Variants in DPH6 observed in about 807,000 individuals in gnomAD.
The protein encoded by DPH6 is diphthamine biosynthesis 6.
Under a neutral mutation model 38.2 loss-of-function variants are expected in DPH6, and 33 were observed. That is an observed-to-expected ratio of 0.86 (90% CI 0.65 to 1.15). DPH6 has a LOEUF of 1.15. Among genes scored for constraint, DPH6 ranks in the 50% most tolerant of loss-of-function variants. The pLI, the probability that DPH6 is intolerant of heterozygous loss-of-function variation, is 0.00. For missense variants in DPH6, 325 were observed against 320.0 expected, an observed-to-expected ratio of 1.02 and a Z score of -0.12; for synonymous variants, 108 against 103.0, an observed-to-expected ratio of 1.05 and a Z score of -0.30.
chr15:35,405,165 C>T (rs2053275115), intron 6 of DPH6, among the ~76,000 whole-genome samples: 1 of 151,924 alleles, frequency 6.6e-6, no homozygotes, highest in Admixed American at 6.6e-5. Flanking sequence ...TGCAATCCCT[C>T]CAGTTTTGTT....
At chr15:35,210,141 G>A in the DPH6 span, among the ~76,000 whole-genome samples, 4 of 152,078 alleles carry the variant, frequency 2.6e-5, no homozygotes, top group African/African-American at 9.7e-5. Flanking sequence ...AAGGTACCAG[G>A]GCAATTTGCC....
At chr15:35,470,322 C>T (rs2054182319) in intron 3 of DPH6, among the ~76,000 whole-genome samples, 1 of 151,854 alleles carries the variant, frequency 6.6e-6, no homozygotes, top group African/African-American at 2.4e-5. Context: ...TTTTAAAGCG[C>T]AGAGTCTATA....
intron 3 of DPH6, among the ~76,000 whole-genome samples, chr15:35,233,010 T>C (rs1157166153): frequency 6.6e-6 from 1 of 151,888 alleles, no homozygotes; most frequent in Non-Finnish European, 1.5e-5. Context: ...CATGCAACCA[T>C]GAAAAAGAAT....
the DPH6 span, among the ~76,000 whole-genome samples, chr15:35,159,415 C>T: frequency 1.3e-5 from 2 of 152,012 alleles, no homozygotes; most frequent in East Asian, 1.9e-4. Flanking sequence ...TTAAAAAATA[C>T]TCTTCTCTAA....
At chr15:35,526,536 G>A (rs1012944119) in intron 3 of DPH6, among the ~76,000 whole-genome samples, 3 of 152,070 alleles carry the variant, frequency 2.0e-5, no homozygotes, top group Non-Finnish European at 4.4e-5. Flanking sequence ...TAATTCTGCT[G>A]GTGTTGAGAG....
Position 35,335,698 on chromosome 15 carries a change from G to A in DPH6, n.208-4621C>T, listed in dbSNP as rs146817080. Among the ~76,000 whole-genome samples, 519 of 152,180 alleles carry A rather than the reference G, an allele frequency of 3.4e-3. 4 individuals are homozygous for A. Among genetic ancestry groups the A allele is most frequent in the South Asian group, 6.0e-3 (29 of 4,826 alleles). On this transcript the variant is annotated intron_variant and non_coding_transcript_variant, in intron 3 of 3. Transcript: ENST00000558973. ...TGTCAAAGATCAGATGATTGTATGT[G>A]TGCAGACTTATTTCTGAGTTCTCTG...
chr15:35,410,685 T>A (rs1197588651), intron 6 of DPH6, 150 bp downstream of exon 6: 1 of 616,052 alleles, frequency 1.6e-6, no homozygotes, highest in East Asian at 3.4e-5. Flanking sequence ...ACATTTTCAT[T>A]TCCATTTGAA....
chr15:35,204,063 T>G, the DPH6 span, among the ~76,000 whole-genome samples: 1 of 151,770 alleles, frequency 6.6e-6, no homozygotes, highest in African/African-American at 2.4e-5. Context: ...CCTCTAAACT[T>G]GAAAACATTT....
At chr15:35,162,886 C>T in the DPH6 span, among the ~76,000 whole-genome samples, 1 of 151,980 alleles carries the variant, frequency 6.6e-6, no homozygotes, top group South Asian at 2.1e-4. Context: ...AAAATGTGTT[C>T]TCCTTTAAAT....
intron 3 of DPH6, among the ~76,000 whole-genome samples, chr15:35,258,870 C>T (rs763573222): frequency 6.6e-6 from 1 of 151,926 alleles, no homozygotes; most frequent in Non-Finnish European, 1.5e-5. Context: ...TACTATGGGC[C>T]GGGCACGGTG....
chr15:35,545,470 A>G (rs1290303176), intron 1 of DPH6, among the ~76,000 whole-genome samples: 1 of 152,242 alleles, frequency 6.6e-6, no homozygotes, highest in East Asian at 1.9e-4. Flanking sequence ...TGGATCTAGC[A>G]TAAGACTAGT....
At chr15:35,199,068 C>T in the DPH6 span, among the ~76,000 whole-genome samples, 3 of 151,932 alleles carry the variant, frequency 2.0e-5, no homozygotes, top group Admixed American at 6.6e-5. Context: ...TACAGGCGCC[C>T]GCCACAATGC....
At chr15:35,213,088 C>T (rs2051395548), downstream of DPH6, among the ~76,000 whole-genome samples, 1 of 152,142 alleles carries the variant, frequency 6.6e-6, no homozygotes. Flanking sequence ...TAAAGTTAGC[C>T]ACAGTCTGCG....
intron 3 of DPH6, among the ~76,000 whole-genome samples, chr15:35,244,330 T>C (rs574599198): frequency 9.9e-5 from 15 of 152,226 alleles, no homozygotes; most frequent in Non-Finnish European, 1.9e-4. Flanking sequence ...AATGCTAGGC[T>C]TTCTCTATAG....
chr15:35,314,974 T>C (rs2052176093), intron 3 of DPH6, among the ~76,000 whole-genome samples: 1 of 152,136 alleles, frequency 6.6e-6, no homozygotes, highest in Non-Finnish European at 1.5e-5. Context: ...TGTTTGGTGG[T>C]CTGCTGCTGG....
chr15:35,339,170 C>A (rs10468076), intron 3 of DPH6, among the ~76,000 whole-genome samples: 49,282 of 151,586 alleles, frequency 0.33, 8,889 homozygotes, highest in African/African-American at 0.48. Context: ...TACCCTAGAA[C>A]TTAAAGTATA....
chr15:35,255,691 G>A, intron 3 of DPH6, among the ~76,000 whole-genome samples: 1 of 152,170 alleles, frequency 6.6e-6, no homozygotes, highest in Non-Finnish European at 1.5e-5. Context: ...TTTACTCATA[G>A]AGCCTTTAGT....
At chr15:35,190,083 G>A in the DPH6 span, among the ~76,000 whole-genome samples, 1 of 151,952 alleles carries the variant, frequency 6.6e-6, no homozygotes, top group African/African-American at 2.4e-5. Context: ...ATTTCAGGGA[G>A]GATATGGAAG....
chr15:35,533,290 A>G (rs1156707850), intron 3 of DPH6, among the ~76,000 whole-genome samples: 1 of 152,088 alleles, frequency 6.6e-6, no homozygotes, highest in Non-Finnish European at 1.5e-5. Flanking sequence ...TCATGATTCC[A>G]TCTCTTAGTT....
Sources: allele counts gnomAD v4.1 joint callset (sites outside exome capture counted in the v4.1 genomes callset), GRCh38; gene constraint gnomAD v4.1.1; transcripts MANE v1.5; gene names NCBI Gene and HGNC (gene_info 2026-07-23, HGNC 2026-07-21).